AFF1: variants seen among roughly 807,000 people sequenced by gnomAD.
AFF1 encodes ALF transcription elongation factor 1.
AFF1 carries 48 observed loss-of-function variants against 121.7 expected under a neutral mutation model. The ratio of observed to expected loss-of-function variants is 0.39; its 90% CI spans 0.31 to 0.50. The LOEUF (loss-of-function observed/expected upper bound fraction) is 0.50, where lower values mean the gene tolerates loss of function less well. Among genes scored for constraint, AFF1 ranks in the 20% least tolerant of loss-of-function variants. The pLI is 0.76. For synonymous variants in AFF1, 613 were observed against 563.0 expected (o/e 1.09, Z -1.26); for missense variants, 1,523 against 1,511.7 (o/e 1.01, Z -0.12).
intron 2 of AFF1, among the ~76,000 whole-genome samples, chr4:87,030,931 T>C (rs1211434854): frequency 6.6e-6 from 1 of 152,162 alleles, no homozygotes; most frequent in South Asian, 2.1e-4. Context: ...GAGGCCCCAG[T>C]TGAGTGCATT....
At chr4:87,075,353 T>G (rs1722544355) in intron 4 of AFF1, among the ~76,000 whole-genome samples, 1 of 152,168 alleles carries the variant, frequency 6.6e-6, no homozygotes, top group African/African-American at 2.4e-5. Flanking sequence ...TGTGCATATA[T>G]TCACTTATAT....
At chr4:87,075,238 T>A (rs567998935) in intron 4 of AFF1, among the ~76,000 whole-genome samples, 209 of 152,308 alleles carry the variant, frequency 1.4e-3, no homozygotes, top group African/African-American at 4.8e-3. Context: ...TGGGTTTTTT[T>A]AGCTTGTTTT....
intron 8 of AFF1, among the ~76,000 whole-genome samples, chr4:87,098,336 T>G (rs1407503941): frequency 1.3e-5 from 2 of 152,226 alleles, no homozygotes; most frequent in Non-Finnish European, 2.9e-5. Flanking sequence ...AGGATGTTAG[T>G]GCAATTTGCC....
chr4:86,998,113 A>AC (rs1666039255), intron 2 of AFF1, among the ~76,000 whole-genome samples: 3 of 140,530 alleles, frequency 2.1e-5, no homozygotes, highest in African/African-American at 3.2e-5. Context: ...AAAAAAAAAA[A>AC]AAAAAAAAAA....
chr4:86,993,805 A>G (rs183236359), intron 2 of AFF1, among the ~76,000 whole-genome samples: 2 of 152,224 alleles, frequency 1.3e-5, no homozygotes, highest in Non-Finnish European at 2.9e-5. Flanking sequence ...TCTACTAAAA[A>G]TACAAAAAAT....
intron 1 of AFF1, among the ~76,000 whole-genome samples, chr4:86,948,139 T>C (rs1377865303): frequency 6.6e-6 from 1 of 152,176 alleles, no homozygotes; most frequent in Non-Finnish European, 1.5e-5. Flanking sequence ...TTTATTGTAA[T>C]GTATTAATGA....
chr4:87,090,967 A>G (rs1380991331), intron 6 of AFF1, among the ~76,000 whole-genome samples: 1 of 147,700 alleles, frequency 6.8e-6, no homozygotes, highest in Admixed American at 6.8e-5. Context: ...GTGAGCTGTA[A>G]TTAAGCCACT....
At chr4:86,955,964 T>C (rs996978450) in intron 2 of AFF1, among the ~76,000 whole-genome samples, 7 of 152,236 alleles carry the variant, frequency 4.6e-5, no homozygotes, top group African/African-American at 1.7e-4. Context: ...GATTAACACC[T>C]ATTATATGGA....
intron 2 of AFF1, among the ~76,000 whole-genome samples, chr4:87,026,462 C>T (rs1728547067): frequency 6.6e-6 from 1 of 152,170 alleles, no homozygotes; most frequent in Non-Finnish European, 1.5e-5. Context: ...TGGCATGTTG[C>T]TGAGCCTCCT....
intron 2 of AFF1, among the ~76,000 whole-genome samples, chr4:87,011,098 GAAA>G (rs1241955738): frequency 9.0e-5 from 11 of 122,800 alleles, no homozygotes; most frequent in African/African-American, 2.9e-5. Flanking sequence ...AAAAAAAAAA[GAAA>G]AAAAAAATCA....
intron 6 of AFF1, among the ~76,000 whole-genome samples, chr4:87,091,577 G>A (rs1445781699): frequency 1.3e-5 from 2 of 152,142 alleles, no homozygotes; most frequent in Non-Finnish European, 2.9e-5. Context: ...ACTTATGCAT[G>A]AAAAAAGTTT....
Position 87,135,782 on chromosome 4 carries a change from A to T in AFF1, c.*81A>T. ...CAAAAACAGTCCAGACATTTGTTTC[A>T]TCAGGACACCAAACTCTAAAAAAGA... On this transcript the variant is annotated 3_prime_UTR_variant, in exon 21 of 21. Coordinates refer to ENST00000395146, the MANE Select transcript of AFF1 (RefSeq NM_001166693.3). 1 of 1,468,270 alleles carries T rather than the reference A, an allele frequency of 6.8e-7. No homozygotes were observed. The highest frequency in any genetic ancestry group is 2.4e-5 in the East Asian group (1 of 41,880). 91.0% of individuals were successfully genotyped at this position (1,468,270 alleles called of 1,614,324 possible). A position where few individuals can be genotyped will look rare whatever the true frequency, so the allele number is the denominator to read the frequency against.
chr4:86,946,458 C>A (rs1436399276), intron 1 of AFF1, among the ~76,000 whole-genome samples: 2 of 131,460 alleles, frequency 1.5e-5, no homozygotes, highest in African/African-American at 5.5e-5. Flanking sequence ...CCCCCACCCC[C>A]CACCCACCCC....
At chr4:86,937,067 C>T (rs918641378) in intron 1 of AFF1, among the ~76,000 whole-genome samples, 6 of 152,122 alleles carry the variant, frequency 3.9e-5, no homozygotes, top group Non-Finnish European at 8.8e-5. Flanking sequence ...TCAAATATAA[C>T]TTACAAGGAT....
At chr4:87,010,802 C>T (rs1056852920) in intron 2 of AFF1, among the ~76,000 whole-genome samples, 1 of 152,102 alleles carries the variant, frequency 6.6e-6, no homozygotes, top group Non-Finnish European at 1.5e-5. Context: ...AAAAAAATCA[C>T]CTGGGCCGGG....
chr4:87,127,554 CCCAT>C (rs1728408801), intron 15 of AFF1, 85 bp from the exon 16 acceptor site: 2 of 1,227,196 alleles, frequency 1.6e-6, no homozygotes, highest in Admixed American at 1.8e-5. Flanking sequence ...TTGCTGTCCT[CCCAT>C]CCTTTTTCAC....
In AFF1 at chr4:87,047,265, A is replaced by G. The variant is rs1730799728; in HGVS notation, c.730A>G (p.Ser244Gly). The G allele has an allele frequency of 1.2e-6, 2 of 1,614,224 alleles. No individual in the cohort carries two copies. The highest frequency in any genetic ancestry group is 1.7e-6 in the Non-Finnish European group (2 of 1,180,038). ...CAAGGTTCATGGCAGCAGCAATAACAGTAAAGGCTATTGCCCAGCCAAATC... is the reference window on the plus strand; with the variant it reads ...CAAGGTTCATGGCAGCAGCAATAACGGTAAAGGCTATTGCCCAGCCAAATC... ...SSKVHGSSNN[S>G]KGYCPAKSPK... The change falls in exon 4 of 21, where the codon AGT becomes GGT. Residue 244 changes from serine (S) to glycine (G), a missense_variant. This residue lies in a region of AFF1 where 369 missense variants were observed against 367.2 expected (regional missense o/e 1.00). Coordinates refer to ENST00000395146, the MANE Select transcript of AFF1 (RefSeq NM_001166693.3).
rs1748342793 is a variant in AFF1 at position 86,935,130 on chromosome 4, C to G, written c.-147C>G. ...TCCGCAGCCGAGCCCCGGGAGGAGGCGCTCCCCTGCGTCGTCCGCACTTGC... is the reference window on the plus strand; with the variant it reads ...TCCGCAGCCGAGCCCCGGGAGGAGGGGCTCCCCTGCGTCGTCCGCACTTGC... On this transcript the variant is annotated 5_prime_UTR_variant, in exon 1 of 21. Transcript: ENST00000395146. 6.6e-6 allele frequency: 1 copy of G among 152,268 alleles called. No individual in the cohort carries two copies. Among genetic ancestry groups the G allele is most frequent in the African/African-American group, 2.4e-5 (1 of 41,458 alleles). 9.4% of individuals were successfully genotyped at this position (152,268 alleles called of 1,614,324 possible).
chr4:87,001,389 T>G (rs1725714244), intron 2 of AFF1, among the ~76,000 whole-genome samples: 1 of 151,922 alleles, frequency 6.6e-6, no homozygotes, highest in Non-Finnish European at 1.5e-5. Context: ...GCTAATTTTT[T>G]GTATTTTTAG....
Sources: allele counts gnomAD v4.1 joint callset (sites outside exome capture counted in the v4.1 genomes callset), GRCh38; gene constraint gnomAD v4.1.1; regional missense constraint gnomAD v4.1.1; transcripts MANE v1.5; gene names NCBI Gene and HGNC (gene_info 2026-07-23, HGNC 2026-07-21).